The following MMP26 variants were observed in gnomAD, a reference collection of about 807,000 sequenced individuals.
MMP26 encodes matrix metalloproteinase-26.
Under a neutral mutation model 31.0 loss-of-function variants are expected in MMP26, and 33 were observed. The observed-to-expected ratio is 1.06, with a 90% CI of 0.81 to 1.42. MMP26 has a LOEUF of 1.42. MMP26 is among the 40% of genes most tolerant of loss of function. The pLI, the probability that MMP26 is intolerant of heterozygous loss-of-function variation, is 0.00. For missense variants in MMP26, 347 were observed against 316.1 expected (o/e 1.10, Z -0.74); for synonymous variants, 122 against 114.9 (o/e 1.06, Z -0.40).
At chr11:4,907,095 T>TAAAAAAAAAAAAAAAAAAAAAAAAA (rs3065178) in intron 2 of MMP26, among the ~76,000 whole-genome samples, 3 of 55,122 alleles carry the variant, frequency 5.4e-5, no homozygotes, top group Admixed American at 2.2e-4. Flanking sequence ...AAACTCCCTC[T>TAAAAAAAAAAAAAAAAAAAAAAAAA]AAAAAAAAAA....
rs1846365033 is a variant in MMP26 at position 4,950,792 on chromosome 11, T to A, written c.-144-37276T>A. On this transcript the variant is annotated intron_variant, in intron 2 of 7. Transcript: ENST00000380390. Reference sequence around the variant, plus strand: ...TGCACTTGACTTGCACTGTTCAATTTGCATTTGGAAAAATGCAAATTAATA... The same window carrying A: ...TGCACTTGACTTGCACTGTTCAATTAGCATTTGGAAAAATGCAAATTAATA... 1.6e-5 allele frequency among the ~76,000 whole-genome samples: 2 copies of A among 123,622 alleles called. 1 individual carries two copies. The highest frequency in any genetic ancestry group is 3.7e-5 in the Non-Finnish European group (2 of 54,484). 81.1% of individuals were successfully genotyped at this position (123,622 alleles called of 152,430 possible).
intron 2 of MMP26, chr11:4,832,160 G>C (rs576846023): frequency 6.3e-6 from 1 of 158,098 alleles, no homozygotes; most frequent in East Asian, 1.8e-4. Flanking sequence ...CTCAGAAGTT[G>C]AAGTCTCCAC....
chr11:4,943,643 G>A (rs919481269), intron 2 of MMP26: 2 of 366,536 alleles, frequency 5.5e-6, no homozygotes, highest in Non-Finnish European at 1.1e-5. Flanking sequence ...AACCGAAGAT[G>A]TCCCCAGACA....
chr11:4,930,909 CTAAT>C (rs1851337939), intron 2 of MMP26, among the ~76,000 whole-genome samples: 2 of 151,650 alleles, frequency 1.3e-5, no homozygotes. Context: ...TCAAATGTGT[CTAAT>C]TGTTAATTTT....
chr11:4,741,266 C>T (rs889195826), intron 1 of MMP26, among the ~76,000 whole-genome samples: 2 of 151,812 alleles, frequency 1.3e-5, no homozygotes, highest in Non-Finnish European at 2.9e-5. Context: ...GATCTAGATC[C>T]AGCAATATCA....
intron 2 of MMP26, among the ~76,000 whole-genome samples, chr11:4,857,587 C>T (rs1850073523): frequency 6.6e-6 from 1 of 152,102 alleles, no homozygotes; most frequent in Non-Finnish European, 1.5e-5. Flanking sequence ...TAATTAATAG[C>T]CTACCAACCA....
intron 2 of MMP26, chr11:4,859,760 C>A (rs983205262): frequency 2.1e-6 from 1 of 471,066 alleles, no homozygotes; most frequent in African/African-American, 2.0e-5. Context: ...GATAAATGCT[C>A]CCAAAATCTG....
chr11:4,828,716 C>T (rs547317081), intron 2 of MMP26, among the ~76,000 whole-genome samples: 14 of 152,274 alleles, frequency 9.2e-5, no homozygotes, highest in African/African-American at 2.4e-4. Flanking sequence ...TGGTTCGACA[C>T]TTATGTGCTT....
At chr11:4,789,470 G>A (rs574658372) in intron 2 of MMP26, among the ~76,000 whole-genome samples, 1 of 146,924 alleles carries the variant, frequency 6.8e-6, no homozygotes, top group African/African-American at 2.5e-5. Flanking sequence ...ACACATGCTA[G>A]GTTATCATGT....
chr11:4,716,979 C>T (rs529686985), intron 1 of MMP26, among the ~76,000 whole-genome samples: 3 of 152,224 alleles, frequency 2.0e-5, no homozygotes, highest in Admixed American at 6.5e-5. Context: ...ACCTCTTAAA[C>T]ACTACCTTTT....
Position 4,817,682 on chromosome 11 carries a change from A to G in MMP26, c.-145+50341A>G, listed in dbSNP as rs564828484. On this transcript the variant is annotated intron_variant, in intron 2 of 7. Transcript: ENST00000380390. ...CATTTATATTCATTTAAAATATTATAAAGATAATGCAATAATTAAAAGGAA... is the reference window on the plus strand; with the variant it reads ...CATTTATATTCATTTAAAATATTATGAAGATAATGCAATAATTAAAAGGAA... Among the ~76,000 whole-genome samples the G allele has an allele frequency of 8.0e-4, 122 of 152,348 alleles. 1 individual carries two copies. Among genetic ancestry groups the G allele is most frequent in the Non-Finnish European group, 1.5e-3 (101 of 68,030 alleles).
chr11:4,807,821 T>C (rs1186453575), intron 2 of MMP26, among the ~76,000 whole-genome samples: 4 of 152,174 alleles, frequency 2.6e-5, no homozygotes, highest in South Asian at 4.1e-4. Flanking sequence ...TCTTTTATTT[T>C]TGAGACATGC....
intron 2 of MMP26, chr11:4,907,638 T>C: frequency 1.9e-6 from 3 of 1,614,054 alleles, no homozygotes; most frequent in Non-Finnish European, 2.5e-6. Flanking sequence ...TTCAATGCCA[T>C]GGGAATTTCA....
intron 2 of MMP26, among the ~76,000 whole-genome samples, chr11:4,787,986 C>A (rs1046942606): frequency 4.6e-5 from 7 of 152,132 alleles, no homozygotes; most frequent in Non-Finnish European, 8.8e-5. Context: ...GATAAAAAAT[C>A]TGGAATTTAT....
At chr11:4,797,743 C>T (rs182047879) in intron 2 of MMP26, among the ~76,000 whole-genome samples, 40 of 152,302 alleles carry the variant, frequency 2.6e-4, no homozygotes, top group Middle Eastern at 6.8e-3. Flanking sequence ...CAGTTTTGCA[C>T]GACTCCAGGG....
intron 2 of MMP26, among the ~76,000 whole-genome samples, chr11:4,942,289 A>AT (rs1316259193): frequency 1.3e-5 from 2 of 151,562 alleles, no homozygotes; most frequent in Non-Finnish European, 1.5e-5. Flanking sequence ...TTGTTTGTTT[A>AT]TTATTTATTT....
intron 2 of MMP26, among the ~76,000 whole-genome samples, chr11:4,890,855 G>A (rs141231548): frequency 6.6e-6 from 1 of 151,906 alleles, no homozygotes; most frequent in South Asian, 2.1e-4. Context: ...CCCACATAAA[G>A]AGCAGTAACT....
chr11:4,838,242 C>T (rs1849745743), intron 2 of MMP26, among the ~76,000 whole-genome samples: 1 of 137,778 alleles, frequency 7.3e-6, no homozygotes, highest in African/African-American at 2.7e-5. Flanking sequence ...GGCATGAACC[C>T]AGGAGGCAGA....
chr11:4,911,523 A>G (rs1564805473), intron 2 of MMP26, among the ~76,000 whole-genome samples: 2 of 152,172 alleles, frequency 1.3e-5, no homozygotes, highest in African/African-American at 4.8e-5. Flanking sequence ...TCACCAATTA[A>G]TGTAGCTTCC....
Sources: allele counts gnomAD v4.1 joint callset (sites outside exome capture counted in the v4.1 genomes callset), GRCh38; gene constraint gnomAD v4.1.1; transcripts MANE v1.5; gene names NCBI Gene and HGNC (gene_info 2026-07-23, HGNC 2026-07-21).